The following FAM135B variants were observed in gnomAD, a reference collection of about 807,000 sequenced individuals.
FAM135B encodes the protein protein FAM135B.
In FAM135B, 43 loss-of-function variants were observed where a neutral mutation model predicts 127.7. The observed-to-expected ratio is 0.34, with a 90% confidence interval of 0.26 to 0.43. The LOEUF is 0.43. FAM135B is among the 20% of genes least tolerant of loss of function. FAM135B has a pLI of 1.00. For synonymous variants in FAM135B, 670 were observed against 665.1 expected (o/e 1.01, Z -0.11); for missense variants, 1,558 against 1,725.6 (o/e 0.90, Z 1.72).
chr8:138,339,387 TA>T (rs1351282519), intron 2 of FAM135B, among the ~76,000 whole-genome samples: 6,102 of 141,334 alleles, frequency 0.043, 374 homozygotes, highest in African/African-American at 0.15. Flanking sequence ...ATATATATTT[TA>T]AAATCTCCAA....
intron 3 of FAM135B, among the ~76,000 whole-genome samples, chr8:138,275,080 T>C (rs1462142707): frequency 6.6e-6 from 1 of 152,180 alleles, no homozygotes; most frequent in Non-Finnish European, 1.5e-5. Context: ...CATGAAATCT[T>C]TACAATTTGT....
chr8:138,384,839 C>A, intron 1 of FAM135B, among the ~76,000 whole-genome samples: 1 of 152,116 alleles, frequency 6.6e-6, no homozygotes, highest in Middle Eastern at 3.2e-3. Flanking sequence ...CACTGCATCT[C>A]TGCTACTCTT....
At chr8:138,407,315 G>A (rs1261560981) in intron 1 of FAM135B, among the ~76,000 whole-genome samples, 1 of 152,016 alleles carries the variant, frequency 6.6e-6, no homozygotes. Context: ...TCAATATCGT[G>A]AAAATGGCCA....
intron 2 of FAM135B, among the ~76,000 whole-genome samples, chr8:138,348,424 C>T (rs915413590): frequency 1.3e-5 from 2 of 152,060 alleles, no homozygotes; most frequent in Non-Finnish European, 2.9e-5. Flanking sequence ...CGTGAGCCAC[C>T]GCACCTGGCC....
chr8:138,255,751 G>C (rs1822034816), intron 5 of FAM135B, among the ~76,000 whole-genome samples: 1 of 152,162 alleles, frequency 6.6e-6, no homozygotes, highest in African/African-American at 2.4e-5. Context: ...TTCTGGCCAG[G>C]GGGTACCTAA....
At chr8:138,420,941 G>T (rs1834464969) in intron 1 of FAM135B, among the ~76,000 whole-genome samples, 2 of 152,164 alleles carry the variant, frequency 1.3e-5, no homozygotes, top group Admixed American at 1.3e-4. Context: ...AACCACACAA[G>T]GCTGCCAAAT....
chr8:138,485,431 T>C (rs1814947741), intron 1 of FAM135B, among the ~76,000 whole-genome samples: 1 of 152,202 alleles, frequency 6.6e-6, no homozygotes, highest in African/African-American at 2.4e-5. Context: ...ATCCTCTTGG[T>C]TGATATTAAG....
In FAM135B at chr8:138,152,231, G is replaced by A. The variant is rs2130761589; in HGVS notation, c.2244C>T (p.Thr748=). The A allele has an allele frequency of 6.2e-7, 1 of 1,614,148 alleles. No homozygotes were observed. Among genetic ancestry groups the A allele is most frequent in the Non-Finnish European group, 8.5e-7 (1 of 1,180,048 alleles). The change falls in exon 13 of 20, where the codon ACC becomes ACT. Residue 748 remains threonine, a synonymous_variant. Transcript: ENST00000395297. ...SLPSGIQASL[T]SISSLPFEED... ...CCTCAAAAGGTAAAGAGCTAATGGA[G>A]GTGAGAGAAGCCTGGATGCCGCTTG...
chr8:138,403,431 C>T (rs913088280), intron 1 of FAM135B, among the ~76,000 whole-genome samples: 6 of 152,104 alleles, frequency 3.9e-5, no homozygotes, highest in African/African-American at 1.4e-4. Flanking sequence ...AAACAGGTCA[C>T]CAAATTGTTG....
At chr8:138,153,278 CAAATGTCTAACTGTATAAT>C in intron 12 of FAM135B, 62 bp from the exon 13 acceptor site, 1 of 1,321,534 alleles carries the variant, frequency 7.6e-7, no homozygotes, top group South Asian at 1.6e-5. Flanking sequence ...ACAAGTTATC[CAAATGTCTAACTGTATAAT>C]AAAGAATTTA....
chr8:138,471,179 T>C (rs1056477649), intron 1 of FAM135B, among the ~76,000 whole-genome samples: 2 of 151,914 alleles, frequency 1.3e-5, no homozygotes, highest in Admixed American at 6.6e-5. Context: ...TGGGGCAGAG[T>C]GTGGCTGGCA....
At chr8:138,422,993 T>C (rs1345334262) in intron 1 of FAM135B, among the ~76,000 whole-genome samples, 2 of 152,184 alleles carry the variant, frequency 1.3e-5, no homozygotes, top group South Asian at 2.1e-4. Flanking sequence ...GAGGCCATTA[T>C]CCTAAGCAAA....
At chr8:138,333,137 G>C (rs1282824017) in intron 2 of FAM135B, among the ~76,000 whole-genome samples, 1 of 152,178 alleles carries the variant, frequency 6.6e-6, no homozygotes, top group Non-Finnish European at 1.5e-5. Flanking sequence ...GGAACATCCA[G>C]TCAGGAACCT....
rs956768687 is a variant in FAM135B at position 138,132,365 on chromosome 8, C to T, written c.*228G>A. On this transcript the variant is annotated 3_prime_UTR_variant, in exon 20 of 20. Coordinates refer to ENST00000395297, the MANE Select transcript of FAM135B (RefSeq NM_015912.4). The surrounding 1 kb of genome is among the most constrained non-coding windows in gnomAD (Gnocchi z 4.5). ...CCTAGAAAACATCTTGAATGACACT[C>T]CAGGTAACTATACAAATTCAAGCAA... The T allele has an allele frequency of 3.9e-6, 2 of 515,320 alleles. No homozygotes were observed. The highest frequency in any genetic ancestry group is 7.0e-6 in the Non-Finnish European group (2 of 287,346). The allele number at this position is 515,320 out of a possible 1,614,324, so 31.9% of individuals were successfully genotyped here. A position where few individuals can be genotyped will look rare whatever the true frequency, so the allele number is the denominator to read the frequency against.
intron 7 of FAM135B, among the ~76,000 whole-genome samples, chr8:138,203,416 C>T (rs548207303): frequency 1.3e-5 from 2 of 152,304 alleles, no homozygotes; most frequent in Non-Finnish European, 1.5e-5. Context: ...CCTGTCAGAA[C>T]GTCTTGATGG....
At chr8:138,404,871 A>C (rs1833365647) in intron 1 of FAM135B, among the ~76,000 whole-genome samples, 1 of 152,150 alleles carries the variant, frequency 6.6e-6, no homozygotes, top group Non-Finnish European at 1.5e-5. Context: ...AAAGTCATCC[A>C]TGAGGGTTGC....
rs1820819808 is a variant in FAM135B, at chr8:138,241,968, G to A, written c.669+974C>T. On this transcript the variant is annotated intron_variant, in intron 7 of 19. Transcript: ENST00000395297. The surrounding 1 kb of genome is among the most constrained non-coding windows in gnomAD (Gnocchi z 4.8). ...CTCTCTTATTTATTGTCTTTGATCT[G>A]GGACATCAGTTTTCTCCTGCCTTTG... Among the ~76,000 whole-genome samples the A allele has an allele frequency of 6.6e-6, 1 of 152,056 alleles. No homozygotes were observed. The highest frequency in any genetic ancestry group is 2.4e-5 in the African/African-American group (1 of 41,400).
intron 1 of FAM135B, among the ~76,000 whole-genome samples, chr8:138,391,229 G>A (rs1168475805): frequency 6.6e-6 from 1 of 151,940 alleles, no homozygotes; most frequent in African/African-American, 2.4e-5. Context: ...CAGGGTGGCA[G>A]GCCCCTCTGC....
At chr8:138,375,690 A>G (rs534547226) in intron 1 of FAM135B, among the ~76,000 whole-genome samples, 23 of 152,150 alleles carry the variant, frequency 1.5e-4, no homozygotes, top group African/African-American at 5.5e-4. Context: ...ATCATATTTC[A>G]CTGAGCCTTT....
Sources: allele counts gnomAD v4.1 joint callset (sites outside exome capture counted in the v4.1 genomes callset), GRCh38; gene constraint gnomAD v4.1.1; non-coding constraint Gnocchi (gnomAD v3.1); transcripts MANE v1.5; gene names NCBI Gene and HGNC (gene_info 2026-07-23, HGNC 2026-07-21).